Variants in COP1 observed in about 807,000 individuals in gnomAD.
COP1 encodes COP1 E3 ubiquitin ligase, also known as E3 ubiquitin-protein ligase COP1.
A neutral mutation model predicts 101.3 loss-of-function variants in COP1; 24 were observed. The ratio of observed to expected loss-of-function variants is 0.24; its 90% CI spans 0.17 to 0.33. COP1 has a LOEUF of 0.33. Among genes scored for constraint, COP1 ranks in the 10% least tolerant of loss-of-function variants. The probability of loss-of-function intolerance (pLI) is 1.00; values close to 1 mark genes in which losing one functional copy is unlikely to be tolerated. For synonymous variants in COP1, 347 were observed against 341.9 expected (o/e 1.01, Z -0.17); for missense variants, 663 against 906.2 (o/e 0.73, Z 3.45).
intron 5 of COP1, among the ~76,000 whole-genome samples, chr1:176,157,123 G>T (rs1693583804): frequency 6.6e-6 from 1 of 152,000 alleles, no homozygotes; most frequent in African/African-American, 2.4e-5. Flanking sequence ...TCTTGAACCT[G>T]GGAGGCAGAG....
chr1:176,192,337 G>A (rs1298793278), intron 1 of COP1, among the ~76,000 whole-genome samples: 1 of 152,048 alleles, frequency 6.6e-6, no homozygotes, highest in African/African-American at 2.4e-5. Context: ...GAAACAATTA[G>A]GAGAATCCTC....
intron 11 of COP1, among the ~76,000 whole-genome samples, chr1:176,067,162 A>T (rs937688280): frequency 6.6e-6 from 1 of 152,168 alleles, no homozygotes; most frequent in African/African-American, 2.4e-5. Context: ...TGACCCCCTC[A>T]TGTAGACTTT....
At chr1:176,015,516 T>A (rs1034897725) in intron 15 of COP1, among the ~76,000 whole-genome samples, 4 of 152,048 alleles carry the variant, frequency 2.6e-5, no homozygotes, top group African/African-American at 9.7e-5. Flanking sequence ...GAAAACTTGA[T>A]AAGGAAGACA....
chr1:176,200,515 C>G (rs542692250), intron 1 of COP1, among the ~76,000 whole-genome samples: 2 of 152,182 alleles, frequency 1.3e-5, no homozygotes, highest in East Asian at 3.9e-4. Flanking sequence ...AATGTACCAC[C>G]CCAAACCACA....
chr1:176,143,968 A>G, intron 6 of COP1, among the ~76,000 whole-genome samples: 1 of 152,134 alleles, frequency 6.6e-6, no homozygotes. Flanking sequence ...TTGAGTGATA[A>G]AAAGTACCTA....
At chr1:176,121,513 T>TTTGC (rs1687114723) in intron 8 of COP1, among the ~76,000 whole-genome samples, 2 of 151,692 alleles carry the variant, frequency 1.3e-5, no homozygotes, top group African/African-American at 2.4e-5. Flanking sequence ...TTAAATGTCG[T>TTTGC]TTTTTATTTT....
chr1:175,993,300 A>T (rs145418886), intron 15 of COP1, among the ~76,000 whole-genome samples: 9,983 of 152,276 alleles, frequency 0.066, 449 homozygotes, highest in Non-Finnish European at 0.087. Flanking sequence ...GGGAAAAAAC[A>T]AAGCAGAAAA....
At chr1:176,156,356 G>A (rs1223998153) in intron 5 of COP1, among the ~76,000 whole-genome samples, 2 of 152,034 alleles carry the variant, frequency 1.3e-5, no homozygotes, top group East Asian at 1.9e-4. Context: ...GATGTCTAAA[G>A]GAGGCAAGAA....
chr1:176,119,590 T>A (rs1686770964), intron 8 of COP1, among the ~76,000 whole-genome samples: 1 of 151,934 alleles, frequency 6.6e-6, no homozygotes, highest in Non-Finnish European at 1.5e-5. Flanking sequence ...AATAGAAAAA[T>A]TTGAATAATA....
At chr1:176,082,546 C>T (rs1679371922) in intron 10 of COP1, among the ~76,000 whole-genome samples, 1 of 152,076 alleles carries the variant, frequency 6.6e-6, no homozygotes, top group Non-Finnish European at 1.5e-5. Flanking sequence ...GCAGCTCACA[C>T]CTGTAATCCC....
intron 9 of COP1, among the ~76,000 whole-genome samples, chr1:176,115,043 C>A (rs1434967355): frequency 1.3e-5 from 2 of 152,098 alleles, no homozygotes; most frequent in Non-Finnish European, 2.9e-5. Context: ...AATGATAAAA[C>A]AAATGTGATA....
At chr1:176,075,252 T>A (rs925284023) in intron 11 of COP1, among the ~76,000 whole-genome samples, 1 of 152,216 alleles carries the variant, frequency 6.6e-6, no homozygotes, top group African/African-American at 2.4e-5. Context: ...AATGTATGAT[T>A]TTTGTCTTAC....
chr1:175,984,450 C>T (rs975979607), intron 18 of COP1, among the ~76,000 whole-genome samples: 5 of 152,186 alleles, frequency 3.3e-5, no homozygotes, highest in African/African-American at 1.2e-4. Context: ...AAACGCCTGG[C>T]TATCCAGGCA....
intron 13 of COP1, 34 bp downstream of exon 13, chr1:176,043,676 A>T: frequency 4.3e-6 from 5 of 1,166,412 alleles, no homozygotes; most frequent in Non-Finnish European, 6.4e-6. Context: ...CAAATGTATG[A>T]TTCATATAAC....
chr1:176,132,463 T>G (rs1689033744), intron 8 of COP1, among the ~76,000 whole-genome samples: 1 of 151,482 alleles, frequency 6.6e-6, no homozygotes, highest in Admixed American at 6.6e-5. Context: ...TGTCATTATG[T>G]GATCATAGAG....
chr1:175,993,282 C>A (rs1180894511), intron 15 of COP1, among the ~76,000 whole-genome samples: 1 of 152,128 alleles, frequency 6.6e-6, no homozygotes, highest in East Asian at 1.9e-4. Flanking sequence ...GATAAAACCA[C>A]AAAGATGGGG....
At chr1:176,096,716 A>G (rs1053269685) in intron 9 of COP1, among the ~76,000 whole-genome samples, 2 of 152,184 alleles carry the variant, frequency 1.3e-5, no homozygotes, top group African/African-American at 4.8e-5. Flanking sequence ...CAAGACCCCA[A>G]CTATCACTGT....
chr1:176,098,776 T>A (rs950604167), intron 9 of COP1, among the ~76,000 whole-genome samples: 5 of 152,352 alleles, frequency 3.3e-5, no homozygotes, highest in Admixed American at 2.0e-4. Flanking sequence ...TAACATCAAG[T>A]GTTTTAAACC....
At chr1:176,098,156 C>T (rs975856093) in intron 9 of COP1, among the ~76,000 whole-genome samples, 1 of 152,132 alleles carries the variant, frequency 6.6e-6, no homozygotes, top group Admixed American at 6.6e-5. Flanking sequence ...GATGGCTCCA[C>T]ATTTGGTAAA....
Sources: gnomAD v4.1 joint callset for allele counts (sites outside exome capture counted in the v4.1 genomes callset) on GRCh38, gnomAD v4.1.1 for gene constraint, MANE v1.5 for transcripts, NCBI Gene and HGNC (gene_info 2026-07-23, HGNC 2026-07-21) for gene names.